The following KCNK13 variants were observed in gnomAD, a reference collection of about 807,000 sequenced individuals.
The protein encoded by KCNK13 is potassium channel subfamily K member 13.
In KCNK13, 12 loss-of-function variants were observed where a neutral mutation model predicts 23.4. The ratio of observed to expected loss-of-function variants is 0.51; its 90% CI spans 0.33 to 0.83. KCNK13 has a LOEUF of 0.83. KCNK13 is among the 40% of genes least tolerant of loss of function. The pLI is 0.02. For missense variants in KCNK13, 463 were observed against 556.3 expected, an observed-to-expected ratio of 0.83 and a Z score of 1.69; for synonymous variants, 231 against 229.5, an observed-to-expected ratio of 1.01 and a Z score of -0.06.
In KCNK13 at chr14:90,062,516, T is replaced by G; in HGVS notation, c.311T>G (p.Val104Gly). ...RWDFTGAFYF[V>G]GTVVSTIGFG... ...GACTTCACCGGCGCCTTCTACTTCG[T>G]GGGCACCGTCGTTTCCACCATAGGT... is the stretch of plus-strand genomic sequence containing the variant. The change falls in exon 1 of 2, where the codon GTG becomes GGG. Residue 104 changes from valine (V) to glycine (G), a missense_variant. Around this residue, in one of 3 missense-constraint regions of KCNK13, gnomAD observed 153 missense variants for 153.6 expected, o/e 1.00. Coordinates refer to ENST00000282146, the MANE Select transcript of KCNK13 (RefSeq NM_022054.4). This position sits in a 1 kb window ranked among gnomAD's most constrained non-coding sequence, Gnocchi z 4.5. The G allele has an allele frequency of 6.6e-7, 1 of 1,520,730 alleles. No homozygotes were observed. Among genetic ancestry groups the G allele is most frequent in the Non-Finnish European group, 8.8e-7 (1 of 1,134,282 alleles). The allele number at this position is 1,520,730 out of a possible 1,614,324, so 94.2% of individuals were successfully genotyped here.
At chr14:90,166,779 G>A (rs1369066542) in intron 1 of KCNK13, among the ~76,000 whole-genome samples, 1 of 152,082 alleles carries the variant, frequency 6.6e-6, no homozygotes, top group Non-Finnish European at 1.5e-5. Context: ...TGTGGAAGGA[G>A]AGCTGCAGAG....
intron 1 of KCNK13, among the ~76,000 whole-genome samples, chr14:90,134,969 C>T (rs1889918354): frequency 6.6e-6 from 1 of 152,218 alleles, no homozygotes; most frequent in Admixed American, 6.5e-5. Flanking sequence ...GCCTGCTCAT[C>T]GTAGACATGA....
At chr14:90,171,129 T>G (rs1890360405) in intron 1 of KCNK13, among the ~76,000 whole-genome samples, 1 of 152,214 alleles carries the variant, frequency 6.6e-6, no homozygotes, top group South Asian at 2.1e-4. Flanking sequence ...CACCAATCCC[T>G]ACAGCTCATT....
At chr14:90,115,565 C>T (rs1024811533) in intron 1 of KCNK13, among the ~76,000 whole-genome samples, 5 of 152,174 alleles carry the variant, frequency 3.3e-5, no homozygotes, top group Non-Finnish European at 7.3e-5. Flanking sequence ...AAAGGGCCAG[C>T]CAGCAAATAT....
At chr14:90,087,326 G>C (rs575348879) in intron 1 of KCNK13, among the ~76,000 whole-genome samples, 56 of 151,580 alleles carry the variant, frequency 3.7e-4, no homozygotes, top group African/African-American at 1.3e-3. Context: ...TTAATGTGTC[G>C]CACATTTATT....
intron 1 of KCNK13, among the ~76,000 whole-genome samples, chr14:90,163,354 A>C (rs1890270699): frequency 6.6e-6 from 1 of 152,208 alleles, no homozygotes; most frequent in Non-Finnish European, 1.5e-5. Flanking sequence ...CATCAGAAGA[A>C]AATCCCTTTG....
chr14:90,137,854 G>C (rs6575104), intron 1 of KCNK13, among the ~76,000 whole-genome samples: 16,616 of 152,190 alleles, frequency 0.11, 1,172 homozygotes, highest in Admixed American at 0.25. Context: ...GTTTAAAAAG[G>C]CTGTAGCTTC....
At chr14:90,176,632 GA>G (rs1327258714) in intron 1 of KCNK13, among the ~76,000 whole-genome samples, 1 of 152,222 alleles carries the variant, frequency 6.6e-6, no homozygotes, top group African/African-American at 2.4e-5. Flanking sequence ...GGAGTATTGA[GA>G]AGAATGAATC....
At chr14:90,078,585 A>C (rs1189058384) in intron 1 of KCNK13, among the ~76,000 whole-genome samples, 2 of 151,528 alleles carry the variant, frequency 1.3e-5, no homozygotes, top group Non-Finnish European at 2.9e-5. Flanking sequence ...AGAGAGAGAG[A>C]GAGGGAGAAA....
intron 1 of KCNK13, among the ~76,000 whole-genome samples, chr14:90,180,400 A>G (rs1407413253): frequency 6.6e-6 from 1 of 152,156 alleles, no homozygotes; most frequent in Non-Finnish European, 1.5e-5. Flanking sequence ...GAGGGTTTCT[A>G]TGGAAAAGCC....
At chr14:90,101,790 C>CAAAA (rs546423368) in intron 1 of KCNK13, among the ~76,000 whole-genome samples, 9,103 of 54,854 alleles carry the variant, frequency 0.17, 1,001 homozygotes, top group Non-Finnish European at 0.23. Flanking sequence ...ACTCCGTCTC[C>CAAAA]AAAAAAAAAA....
intron 1 of KCNK13, among the ~76,000 whole-genome samples, chr14:90,170,625 C>T (rs574171714): frequency 4.0e-5 from 6 of 151,872 alleles, no homozygotes; most frequent in African/African-American, 9.7e-5. Context: ...AGGGGAAGGG[C>T]GGGATATTGA....
chr14:90,074,232 T>C (rs969411303), intron 1 of KCNK13, among the ~76,000 whole-genome samples: 3 of 152,198 alleles, frequency 2.0e-5, no homozygotes, highest in African/African-American at 7.2e-5. Context: ...CCTCCCAAGG[T>C]GCTGGGATTA....
chr14:90,160,999 CCT>C (rs1890247333), intron 1 of KCNK13, among the ~76,000 whole-genome samples: 2 of 152,198 alleles, frequency 1.3e-5, no homozygotes, highest in South Asian at 4.2e-4. Flanking sequence ...TTTTCACACC[CCT>C]GTTCCTAACA....
chr14:90,163,435 A>G (rs1256906717), intron 1 of KCNK13, among the ~76,000 whole-genome samples: 1 of 152,208 alleles, frequency 6.6e-6, no homozygotes, highest in African/African-American at 2.4e-5. Context: ...TCAGGATTTA[A>G]ATCATTCTCT....
intron 1 of KCNK13, among the ~76,000 whole-genome samples, chr14:90,133,394 G>A (rs544673848): frequency 1.1e-4 from 17 of 152,180 alleles, no homozygotes; most frequent in Admixed American, 3.3e-4. Context: ...AAGAGGAAAC[G>A]GGGAGTGACT....
At chr14:90,169,334 G>A (rs1016691712) in intron 1 of KCNK13, among the ~76,000 whole-genome samples, 1 of 152,140 alleles carries the variant, frequency 6.6e-6, no homozygotes. Context: ...TGTGCAGGTC[G>A]CCTTCTTGTG....
intron 1 of KCNK13, among the ~76,000 whole-genome samples, chr14:90,078,564 AGAAG>A (rs1167303483): frequency 6.6e-6 from 1 of 151,990 alleles, no homozygotes; most frequent in Non-Finnish European, 1.5e-5. Flanking sequence ...TTGTGCAGAA[AGAAG>A]GAAGGAAGAG....
intron 1 of KCNK13, among the ~76,000 whole-genome samples, chr14:90,121,128 T>C (rs28581859): frequency 0.29 from 44,605 of 151,952 alleles, 6,696 homozygotes; most frequent in Admixed American, 0.37. Context: ...GGCAACCAGC[T>C]AACGTCTAGG....
Sources: allele counts gnomAD v4.1 joint callset (sites outside exome capture counted in the v4.1 genomes callset), GRCh38; gene constraint gnomAD v4.1.1; regional missense constraint gnomAD v4.1.1; non-coding constraint Gnocchi (gnomAD v3.1); transcripts MANE v1.5; gene names NCBI Gene and HGNC (gene_info 2026-07-23, HGNC 2026-07-21).